PPP1R9A: variants seen among roughly 807,000 people sequenced by gnomAD.
PPP1R9A encodes the protein protein phosphatase 1 regulatory subunit 9A.
Under a neutral mutation model 141.9 loss-of-function variants are expected in PPP1R9A, and 59 were observed. The ratio of observed to expected loss-of-function variants is 0.42; its 90% confidence interval spans 0.34 to 0.52. The LOEUF is 0.52. PPP1R9A is among the 20% of genes least tolerant of loss of function. PPP1R9A has a pLI of 0.10. For synonymous variants in PPP1R9A, 500 were observed against 569.7 expected (o/e 0.88, Z 1.74); for missense variants, 1,444 against 1,611.9 (o/e 0.90, Z 1.78).
At chr7:94,984,190 C>A (rs950758044) in intron 2 of PPP1R9A, among the ~76,000 whole-genome samples, 1 of 152,160 alleles carries the variant, frequency 6.6e-6, no homozygotes, top group Non-Finnish European at 1.5e-5. Flanking sequence ...CCCACTTGAT[C>A]TTAGTGGATA....
rs544193816 is a variant in PPP1R9A at position 94,971,230 on chromosome 7, G to A, written c.1395+59722G>A. On this transcript the variant is annotated intron_variant, in intron 2 of 19. Coordinates refer to ENST00000433360, the MANE Select transcript of PPP1R9A (RefSeq NM_001166160.2). The stretch of plus-strand genomic sequence containing the variant: ...CTCCCACTGGGGGTCAGGGTGCAGT[G>A]GGGGAGGTCTAGGAAGATTTCTTGG... 3.3e-5 allele frequency among the ~76,000 whole-genome samples: 5 copies of A among 152,278 alleles called. No individual in the cohort carries two copies. In the East Asian group the frequency reaches 5.8e-4, roughly 18 times the overall value.
At chr7:94,992,326 T>TGCTA (rs955452246) in intron 2 of PPP1R9A, among the ~76,000 whole-genome samples, 66 of 152,364 alleles carry the variant, frequency 4.3e-4, no homozygotes, top group African/African-American at 1.6e-3. Flanking sequence ...AACTTCTTGT[T>TGCTA]GCTAGCTAGG....
At chr7:95,281,388 G>C (rs1804198662) in intron 16 of PPP1R9A, among the ~76,000 whole-genome samples, 1 of 152,000 alleles carries the variant, frequency 6.6e-6, no homozygotes, top group Admixed American at 6.6e-5. Flanking sequence ...TCTATTACTT[G>C]GTGTGCAAAG....
chr7:95,016,074 A>G (rs1379229568), intron 2 of PPP1R9A, among the ~76,000 whole-genome samples: 1 of 152,094 alleles, frequency 6.6e-6, no homozygotes, highest in Non-Finnish European at 1.5e-5. Flanking sequence ...ATAAGAAAGA[A>G]AATCTTGCCT....
intron 5 of PPP1R9A, among the ~76,000 whole-genome samples, chr7:95,188,948 A>T (rs1835059181): frequency 6.6e-6 from 1 of 152,040 alleles, no homozygotes; most frequent in African/African-American, 2.4e-5. Context: ...GTGCATTTCA[A>T]GGGTTTGTTT....
chr7:95,294,038 CT>C lies in PPP1R9A; in HGVS notation c.*3736del, dbSNP rs1338203674. 6.6e-6 allele frequency: 1 copy of C among 152,132 alleles called. No individual in the cohort carries two copies. The highest frequency in any genetic ancestry group is 1.5e-5 in the Non-Finnish European group (1 of 68,054). The allele number at this position is 152,132 out of a possible 1,614,324, so 9.4% of individuals were successfully genotyped here. The stretch of plus-strand genomic sequence containing the variant: ...TCCATTTGAGTAACTAAAGGTACTC[CT>C]GACAGAGCTGGAGATGAGGGGCATT... On this transcript the variant is annotated 3_prime_UTR_variant, in exon 20 of 20. Transcript: ENST00000433360.
At chr7:95,072,497 C>G (rs1813983581) in intron 2 of PPP1R9A, among the ~76,000 whole-genome samples, 1 of 142,614 alleles carries the variant, frequency 7.0e-6, no homozygotes, top group Non-Finnish European at 1.5e-5. Context: ...GTATTCAGGA[C>G]TCATAAAACT....
At chr7:95,288,152 T>C (rs1020887647) in intron 18 of PPP1R9A, among the ~76,000 whole-genome samples, 2 of 152,242 alleles carry the variant, frequency 1.3e-5, no homozygotes, top group African/African-American at 4.8e-5. Context: ...TTTGTTAATA[T>C]ATTTTTACAA....
chr7:94,965,565 A>G (rs1256114035), intron 2 of PPP1R9A, among the ~76,000 whole-genome samples: 4 of 152,166 alleles, frequency 2.6e-5, no homozygotes, highest in African/African-American at 9.7e-5. Flanking sequence ...AACACCGTTT[A>G]TTAAATAGGG....
At chr7:95,260,065 CT>C (rs1293692539) in intron 12 of PPP1R9A, among the ~76,000 whole-genome samples, 1 of 152,026 alleles carries the variant, frequency 6.6e-6, no homozygotes, top group Non-Finnish European at 1.5e-5. Context: ...TGGTAAATCA[CT>C]ATGGGAAATT....
At chr7:95,288,412 G>A (rs948039084) in intron 18 of PPP1R9A, 124 bp from the exon 19 acceptor site, 1 of 1,360,538 alleles carries the variant, frequency 7.4e-7, no homozygotes, top group South Asian at 1.7e-5. Flanking sequence ...AGAACCATTA[G>A]CTTATCATAT....
Position 95,288,586 on chromosome 7 carries a change from C to G in PPP1R9A, c.3780C>G (p.Ala1260=). The part of the protein sequence containing the change: ...SPKHSQCQNR[A]VQEWSVQQVS... ...AACACAGTCAGTGTCAGAATCGGGCCGTTCAGGAATGGAGTGTGCAGCAGG... is the reference window on the plus strand; with the variant it reads ...AACACAGTCAGTGTCAGAATCGGGCGGTTCAGGAATGGAGTGTGCAGCAGG... The change falls in exon 19 of 20, where the codon GCC becomes GCG. Residue 1260 remains alanine, a synonymous_variant. Transcript: ENST00000433360. 6.2e-7 allele frequency: 1 copy of G among 1,614,020 alleles called. No individual in the cohort carries two copies. Among genetic ancestry groups the G allele is most frequent in the Non-Finnish European group, 8.5e-7 (1 of 1,179,992 alleles).
intron 2 of PPP1R9A, among the ~76,000 whole-genome samples, chr7:95,004,910 A>G (rs1439605153): frequency 6.6e-6 from 1 of 152,208 alleles, no homozygotes; most frequent in East Asian, 1.9e-4. Context: ...CTTAACAAAG[A>G]TCTGTCGAAT....
At chr7:95,085,919 G>A (rs1449723044) in intron 2 of PPP1R9A, among the ~76,000 whole-genome samples, 1 of 151,706 alleles carries the variant, frequency 6.6e-6, no homozygotes, top group African/African-American at 2.4e-5. Context: ...GGTTTTAAGA[G>A]TTTGCTTTTC....
chr7:95,148,344 G>A (rs1019719877), intron 4 of PPP1R9A, among the ~76,000 whole-genome samples: 1 of 152,068 alleles, frequency 6.6e-6, no homozygotes, highest in Admixed American at 6.6e-5. Flanking sequence ...ACACAAATTA[G>A]TAATATTAAA....
chr7:94,945,043 C>T (rs114344185), intron 2 of PPP1R9A, among the ~76,000 whole-genome samples: 63 of 152,072 alleles, frequency 4.1e-4, no homozygotes, highest in African/African-American at 1.4e-3. Flanking sequence ...GATTTCATCT[C>T]CTTACATGAG....
intron 4 of PPP1R9A, among the ~76,000 whole-genome samples, chr7:95,126,774 G>T (rs1823626806): frequency 6.6e-6 from 1 of 152,088 alleles, no homozygotes; most frequent in African/African-American, 2.4e-5. Flanking sequence ...TTACTGTTCT[G>T]TGAGGTTGCA....
intron 6 of PPP1R9A, among the ~76,000 whole-genome samples, chr7:95,200,611 G>T (rs866060146): frequency 6.6e-6 from 1 of 152,070 alleles, no homozygotes; most frequent in Non-Finnish European, 1.5e-5. Context: ...AATTGGAATA[G>T]ATGGAAAAAG....
chr7:94,929,767 G>A (rs775548889), intron 2 of PPP1R9A, among the ~76,000 whole-genome samples: 9 of 152,086 alleles, frequency 5.9e-5, no homozygotes, highest in Non-Finnish European at 1.0e-4. Flanking sequence ...TGTGGGGTGG[G>A]AATGCAGCAG....
Sources: gnomAD v4.1 joint callset for allele counts (sites outside exome capture counted in the v4.1 genomes callset) on GRCh38, gnomAD v4.1.1 for gene constraint, MANE v1.5 for transcripts, NCBI Gene and HGNC (gene_info 2026-07-23, HGNC 2026-07-21) for gene names.